Variants in RAI14 observed in about 807,000 individuals in gnomAD.
RAI14 encodes ankycorbin.
In RAI14, 45 loss-of-function variants were observed where a neutral mutation model predicts 115.4. That is an observed-to-expected ratio of 0.39 (90% confidence interval 0.31 to 0.50). The LOEUF (loss-of-function observed/expected upper bound fraction) is 0.50, where lower values mean the gene tolerates loss of function less well. Among genes scored for constraint, RAI14 ranks in the 20% least tolerant of loss-of-function variants. RAI14 has a pLI of 0.85. For missense variants in RAI14, 939 were observed against 1,131.2 expected, an observed-to-expected ratio of 0.83 and a Z score of 2.44; for synonymous variants, 371 against 415.4, an observed-to-expected ratio of 0.89 and a Z score of 1.30.
At chr5:34,706,954 T>C (rs1740767469) in intron 2 of RAI14, among the ~76,000 whole-genome samples, 1 of 152,158 alleles carries the variant, frequency 6.6e-6, no homozygotes, top group African/African-American at 2.4e-5. Context: ...CCGCATCAAA[T>C]TGCAGCATAT....
chr5:34,688,018 G>T, intron 2 of RAI14: 19 of 1,345,686 alleles, frequency 1.4e-5, no homozygotes, highest in Non-Finnish European at 1.9e-5. Context: ...CTTAAAGAAA[G>T]AACTGGGAAG....
intron 1 of RAI14, among the ~76,000 whole-genome samples, chr5:34,660,161 G>T (rs1010359799): frequency 6.6e-6 from 1 of 151,998 alleles, no homozygotes; most frequent in African/African-American, 2.4e-5. Context: ...GGGCGACAGA[G>T]TGAGACCCTG....
intron 3 of RAI14, among the ~76,000 whole-genome samples, chr5:34,764,791 G>A (rs1306910522): frequency 1.3e-5 from 2 of 152,058 alleles, no homozygotes; most frequent in African/African-American, 4.8e-5. Flanking sequence ...AGATTGTGGT[G>A]CAAAATTGAT....
intron 16 of RAI14, among the ~76,000 whole-genome samples, chr5:34,829,420 T>C (rs1228579543): frequency 6.6e-6 from 1 of 152,184 alleles, no homozygotes; most frequent in African/African-American, 2.4e-5. Context: ...ACTCCTGACC[T>C]CAAGTGATCC....
At chr5:34,724,915 G>A (rs956596979) in intron 2 of RAI14, among the ~76,000 whole-genome samples, 8 of 152,058 alleles carry the variant, frequency 5.3e-5, no homozygotes, top group Non-Finnish European at 1.0e-4. Context: ...CTTTTCTAAG[G>A]CAATAGGCTC....
intron 3 of RAI14, among the ~76,000 whole-genome samples, chr5:34,789,396 G>A (rs529076478): frequency 6.6e-6 from 1 of 152,316 alleles, no homozygotes; most frequent in African/African-American, 2.4e-5. Context: ...ACATTCCGAG[G>A]CTAAATGTTA....
At chr5:34,702,933 T>C (rs1467332244) in intron 2 of RAI14, among the ~76,000 whole-genome samples, 1 of 152,212 alleles carries the variant, frequency 6.6e-6, no homozygotes, top group African/African-American at 2.4e-5. Flanking sequence ...CTCGAACTCC[T>C]GACCTCAGGT....
intron 2 of RAI14, among the ~76,000 whole-genome samples, chr5:34,756,244 G>A (rs1747860293): frequency 6.6e-6 from 1 of 152,144 alleles, no homozygotes; most frequent in South Asian, 2.1e-4. Flanking sequence ...CATACTCCCG[G>A]GGCCGTGGAA....
At chr5:34,682,272 A>G (rs1744445170) in intron 1 of RAI14, among the ~76,000 whole-genome samples, 1 of 152,212 alleles carries the variant, frequency 6.6e-6, no homozygotes, top group Admixed American at 6.5e-5. Flanking sequence ...ACCTCCTGAA[A>G]GTGTACAAAT....
intron 2 of RAI14, among the ~76,000 whole-genome samples, chr5:34,695,937 C>G (rs888970141): frequency 6.6e-6 from 1 of 151,700 alleles, no homozygotes; most frequent in African/African-American, 2.4e-5. Context: ...CTTGCCCTGG[C>G]CTCCCAAATA....
chr5:34,828,412 A>G (rs1294530583), intron 16 of RAI14, among the ~76,000 whole-genome samples: 3 of 152,222 alleles, frequency 2.0e-5, no homozygotes, highest in Non-Finnish European at 4.4e-5. Flanking sequence ...AGGCAGTGAT[A>G]GAAAGGAAGC....
intron 7 of RAI14, 140 bp downstream of exon 7, chr5:34,808,794 T>G: frequency 2.6e-6 from 2 of 771,264 alleles, no homozygotes; most frequent in Admixed American, 5.2e-5. Context: ...GGAAGATAAT[T>G]TTTCCATGGA....
intron 2 of RAI14, among the ~76,000 whole-genome samples, chr5:34,688,988 C>G (rs11741868): frequency 0.48 from 72,360 of 152,010 alleles, 19,701 homozygotes; most frequent in South Asian, 0.64. Context: ...TAGGGACATG[C>G]AGTCATTTGT....
chr5:34,752,903 G>A (rs1359250121), intron 2 of RAI14, among the ~76,000 whole-genome samples: 2 of 151,526 alleles, frequency 1.3e-5, no homozygotes, highest in African/African-American at 4.9e-5. Context: ...AAGTAGCTGG[G>A]ATCACAGGCA....
chr5:34,719,526 C>T (rs1267762594), intron 2 of RAI14, among the ~76,000 whole-genome samples: 3 of 152,162 alleles, frequency 2.0e-5, no homozygotes, highest in African/African-American at 4.8e-5. Context: ...ATCTCTGCCA[C>T]GGTATGTGAG....
intron 2 of RAI14, among the ~76,000 whole-genome samples, chr5:34,703,325 A>G (rs1740310690): frequency 6.6e-6 from 1 of 152,260 alleles, no homozygotes; most frequent in Admixed American, 6.5e-5. Flanking sequence ...CTTTAAGGAT[A>G]TTCAGCATAA....
At chr5:34,711,434 G>A (rs984192239) in intron 2 of RAI14, among the ~76,000 whole-genome samples, 9 of 152,330 alleles carry the variant, frequency 5.9e-5, no homozygotes, top group African/African-American at 1.9e-4. Context: ...ATTGATCAGT[G>A]AGGGTGGGGC....
At chr5:34,799,542 A>G (rs1554007147) in intron 4 of RAI14, among the ~76,000 whole-genome samples, 1 of 145,668 alleles carries the variant, frequency 6.9e-6, no homozygotes, top group South Asian at 2.2e-4. Flanking sequence ...ACACACACAA[A>G]ACCACCTTTC....
chr5:34,764,058 C>T (rs910083192), intron 3 of RAI14, among the ~76,000 whole-genome samples: 1 of 152,088 alleles, frequency 6.6e-6, no homozygotes, highest in Admixed American at 6.5e-5. Flanking sequence ...ACCATGTTGC[C>T]CAGGCTGGTC....
Sources: gnomAD v4.1 joint callset for allele counts (sites outside exome capture counted in the v4.1 genomes callset) on GRCh38, gnomAD v4.1.1 for gene constraint, MANE v1.5 for transcripts, NCBI Gene and HGNC (gene_info 2026-07-23, HGNC 2026-07-21) for gene names.